Variants in SIDT1 observed in about 807,000 individuals in gnomAD.
The protein encoded by SIDT1 is SID1 transmembrane family, member 1.
SIDT1 carries 101 observed loss-of-function variants against 107.5 expected under a neutral mutation model. The observed-to-expected ratio is 0.94, with a 90% confidence interval of 0.80 to 1.11. The LOEUF (loss-of-function observed/expected upper bound fraction) is 1.11. Ranked by LOEUF, SIDT1 falls within the 50% of genes least tolerant of loss-of-function variation. The pLI is 0.00. For synonymous variants in SIDT1, 395 were observed against 398.2 expected (o/e 0.99, Z 0.10); for missense variants, 1,076 against 1,058.2 (o/e 1.02, Z -0.23).
At chr3:113,539,324 T>C (rs1364554726) in intron 1 of SIDT1, among the ~76,000 whole-genome samples, 7 of 152,216 alleles carry the variant, frequency 4.6e-5, no homozygotes, top group Non-Finnish European at 7.3e-5. Flanking sequence ...TCAAGTTGGC[T>C]CCTGAATTCT....
At chr3:113,581,331 T>C in intron 5 of SIDT1, 30 bp from the exon 6 acceptor site, 1 of 1,569,716 alleles carries the variant, frequency 6.4e-7, no homozygotes, top group Non-Finnish European at 8.8e-7. Flanking sequence ...TTATGGATGC[T>C]TTCCATTTTA....
chr3:113,631,261 C>G (rs1947092683), downstream of SIDT1, among the ~76,000 whole-genome samples: 3 of 152,334 alleles, frequency 2.0e-5, no homozygotes, highest in South Asian at 6.2e-4. Flanking sequence ...GTTTCCCTCC[C>G]TTCCCACCCT....
intron 9 of SIDT1, among the ~76,000 whole-genome samples, chr3:113,590,573 C>A (rs1050203291): frequency 6.6e-6 from 1 of 152,114 alleles, no homozygotes; most frequent in Non-Finnish European, 1.5e-5. Flanking sequence ...CGATCTAATT[C>A]AGAATATTTT....
chr3:113,604,736 A>G (rs1335626261), intron 13 of SIDT1, among the ~76,000 whole-genome samples, 174 bp from the exon 14 acceptor site: 2 of 152,212 alleles, frequency 1.3e-5, no homozygotes, highest in African/African-American at 4.8e-5. Flanking sequence ...AAATGCCCCA[A>G]TGCAAGAGAG....
At chr3:113,613,571 C>A (rs1183215121) in intron 19 of SIDT1, among the ~76,000 whole-genome samples, 1 of 152,210 alleles carries the variant, frequency 6.6e-6, no homozygotes, top group Non-Finnish European at 1.5e-5. Flanking sequence ...GCCAGCATAC[C>A]TCCAAATCCC....
chr3:113,601,445 A>C, intron 10 of SIDT1, 143 bp from the exon 11 acceptor site: 1 of 537,340 alleles, frequency 1.9e-6, no homozygotes, highest in Non-Finnish European at 3.3e-6. Context: ...CAGATGGGTC[A>C]TAGTTTTGGT....
intron 1 of SIDT1, among the ~76,000 whole-genome samples, chr3:113,559,029 A>G (rs1188494838): frequency 1.3e-5 from 2 of 152,206 alleles, no homozygotes; most frequent in African/African-American, 4.8e-5. Flanking sequence ...TTTACTTTTA[A>G]CCACTGTGTA....
At chr3:113,569,624 GAGA>G (rs1560050724) in intron 3 of SIDT1, among the ~76,000 whole-genome samples, 1 of 152,184 alleles carries the variant, frequency 6.6e-6, no homozygotes, top group Non-Finnish European at 1.5e-5. Flanking sequence ...CAGAAGGATG[GAGA>G]AGGAGTCACA....
chr3:113,557,538 C>A (rs1941010846), intron 1 of SIDT1, among the ~76,000 whole-genome samples: 1 of 152,060 alleles, frequency 6.6e-6, no homozygotes, highest in Non-Finnish European at 1.5e-5. Context: ...GAGGGGGCAC[C>A]ATGTAACAAC....
chr3:113,622,639 A>C (rs1946546192), intron 21 of SIDT1, among the ~76,000 whole-genome samples: 1 of 152,162 alleles, frequency 6.6e-6, no homozygotes, highest in South Asian at 2.1e-4. Flanking sequence ...AAAATTTGGT[A>C]ATGTGTGTCA....
At chr3:113,543,709 T>C (rs970226777) in intron 1 of SIDT1, among the ~76,000 whole-genome samples, 1 of 152,234 alleles carries the variant, frequency 6.6e-6, no homozygotes, top group Non-Finnish European at 1.5e-5. Context: ...ATTGCTTCTT[T>C]TTCTGTAACT....
chr3:113,612,647 A>AC (rs1191161660), intron 19 of SIDT1, among the ~76,000 whole-genome samples: 15 of 152,194 alleles, frequency 9.9e-5, no homozygotes, highest in East Asian at 3.8e-4. Context: ...AACTTTTGAG[A>AC]CCAACTTGCC....
intron 7 of SIDT1, 80 bp downstream of exon 7, chr3:113,583,576 T>C (rs2107532213): frequency 9.7e-7 from 1 of 1,028,636 alleles, no homozygotes; most frequent in Non-Finnish European, 1.4e-6. Context: ...ACCTCCTTTC[T>C]AGTTCCCACT....
chr3:113,544,560 T>A (rs1939355169), intron 1 of SIDT1, among the ~76,000 whole-genome samples: 1 of 152,182 alleles, frequency 6.6e-6, no homozygotes, highest in Non-Finnish European at 1.5e-5. Context: ...TTTCAGGAGT[T>A]CAACATTTTT....
At chr3:113,586,841 T>G (rs1166906952) in intron 9 of SIDT1, among the ~76,000 whole-genome samples, 1 of 152,168 alleles carries the variant, frequency 6.6e-6, no homozygotes, top group African/African-American at 2.4e-5. Context: ...ATGATAAACA[T>G]TCTATTAAAA....
chr3:113,622,787 A>ATTTTTC (rs1294873840), intron 21 of SIDT1, among the ~76,000 whole-genome samples: 2 of 152,236 alleles, frequency 1.3e-5, no homozygotes, highest in African/African-American at 4.8e-5. Context: ...ATGTGGGAAG[A>ATTTTTC]CACTTCAACA....
chr3:113,543,598 G>T (rs182172602), intron 1 of SIDT1, among the ~76,000 whole-genome samples: 72 of 152,274 alleles, frequency 4.7e-4, no homozygotes, highest in African/African-American at 1.6e-3. Flanking sequence ...TCCCCAGAAT[G>T]TTGGTTCTGT....
At chr3:113,607,911 A>G (rs1403415922) in intron 15 of SIDT1, among the ~76,000 whole-genome samples, 183 bp from the exon 16 acceptor site, 2 of 152,236 alleles carry the variant, frequency 1.3e-5, no homozygotes, top group Non-Finnish European at 2.9e-5. Context: ...AGGCTAAGTA[A>G]GCATCATAAA....
At chr3:113,588,554 C>A (rs1292046654) in intron 9 of SIDT1, among the ~76,000 whole-genome samples, 14 of 152,116 alleles carry the variant, frequency 9.2e-5, no homozygotes. Context: ...GGTAAGAATC[C>A]AAAGTGTCTT....
Sources: allele counts gnomAD v4.1 joint callset (sites outside exome capture counted in the v4.1 genomes callset), GRCh38; gene constraint gnomAD v4.1.1; transcripts MANE v1.5; gene names NCBI Gene and HGNC (gene_info 2026-07-23, HGNC 2026-07-21).